DDB1: variants seen among roughly 807,000 people sequenced by gnomAD.
DDB1 encodes DNA damage-binding protein 1.
A neutral mutation model predicts 133.1 loss-of-function variants in DDB1; 18 were observed. The ratio of observed to expected loss-of-function variants is 0.14; its 90% confidence interval spans 0.09 to 0.20. The LOEUF (loss-of-function observed/expected upper bound fraction) is 0.20, where lower values mean the gene tolerates loss of function less well. Ranked by LOEUF, DDB1 falls within the 10% of genes least tolerant of loss-of-function variation. The pLI is 1.00. For synonymous variants in DDB1, 580 were observed against 550.5 expected (o/e 1.05, Z -0.75); for missense variants, 828 against 1,459.2 (o/e 0.57, Z 7.05).
chr11:61,314,624 C>T (rs1254677153), intron 12 of DDB1, 138 bp from the exon 13 acceptor site: 1 of 869,288 alleles, frequency 1.2e-6, no homozygotes, highest in African/African-American at 1.7e-5. Flanking sequence ...CCCCAAAGTC[C>T]TGCTAATGAT....
chr11:61,330,795 A>G (rs1590702183), intron 2 of DDB1, among the ~76,000 whole-genome samples: 1 of 152,128 alleles, frequency 6.6e-6, no homozygotes, highest in South Asian at 2.1e-4. Flanking sequence ...AGCTGGGATT[A>G]CAGGCACGTG....
intron 4 of DDB1, among the ~76,000 whole-genome samples, chr11:61,328,714 T>G (rs1363856182): frequency 2.0e-5 from 3 of 152,014 alleles, no homozygotes; most frequent in Non-Finnish European, 4.4e-5. Flanking sequence ...CTACTAAAAA[T>G]ACAAAAATTA....
At chr11:61,330,128 C>G in intron 2 of DDB1, 54 bp from the exon 3 acceptor site, 1 of 1,444,018 alleles carries the variant, frequency 6.9e-7, no homozygotes, top group South Asian at 1.2e-5. Flanking sequence ...CAGGAACAAC[C>G]TGTCCAGTCT....
intron 10 of DDB1, among the ~76,000 whole-genome samples, chr11:61,319,020 G>A (rs1411274893): frequency 6.6e-6 from 1 of 152,164 alleles, no homozygotes; most frequent in Non-Finnish European, 1.5e-5. Context: ...GCAACATAGG[G>A]AGACCCTGTC....
intron 21 of DDB1, among the ~76,000 whole-genome samples, chr11:61,307,824 T>C (rs906865050): frequency 2.0e-5 from 3 of 152,182 alleles, no homozygotes; most frequent in Admixed American, 1.3e-4. Flanking sequence ...CCCGACCCTT[T>C]ATTCCTCTGC....
At chr11:61,332,345 C>T in intron 1 of DDB1, 1 of 153,004 alleles carries the variant, frequency 6.5e-6, no homozygotes, top group Non-Finnish European at 1.5e-5. Context: ...CTTAACAATC[C>T]AAGCGCATCG....
rs1481633356 is a variant in DDB1 at position 61,320,262 on chromosome 11, G to A, written c.1225+1333C>T. 8.0e-5 allele frequency among the ~76,000 whole-genome samples: 12 copies of A among 150,572 alleles called. 1 individual carries two copies. In the Middle Eastern group the frequency reaches 0.01, roughly 129 times the overall value. On this transcript the variant is annotated intron_variant, in intron 10 of 26. Coordinates refer to ENST00000301764, the MANE Select transcript of DDB1 (RefSeq NM_001923.5). ...GTGGCCCAGGCTGTAGTGCAGTGGC[G>A]CAGTCTCAGCTCACTGCAACCTCCG...
chr11:61,316,300 A>G lies in DDB1; in HGVS notation c.1395T>C (p.His465=). 2 of 1,614,208 alleles carry G rather than the reference A, an allele frequency of 1.2e-6. No individual in the cohort carries two copies. Among genetic ancestry groups the G allele is most frequent in the Non-Finnish European group, 1.7e-6 (2 of 1,180,030 alleles). Reference sequence around the variant, plus strand: ...CAGTTATCACCTGGATAAGCTGCTGATGAGCCACGTTGCCACAGAAGAAAG... The same window carrying G: ...CAGTTATCACCTGGATAAGCTGCTGGTGAGCCACGTTGCCACAGAAGAAAG... ...QQTFFCGNVA[H]QQLIQITSAS... The change falls in exon 12 of 27, where the codon CAT becomes CAC. Residue 465 remains histidine, a synonymous_variant. Coordinates refer to ENST00000301764, the MANE Select transcript of DDB1 (RefSeq NM_001923.5).
rs140231002 is a variant in DDB1 at position 61,318,820 on chromosome 11, C to G, written c.1226-2253G>C. Among the ~76,000 whole-genome samples the G allele has an allele frequency of 6.3e-3, 958 of 152,236 alleles. 9 individuals carry two copies. The highest frequency in any genetic ancestry group is 0.022 in the African/African-American group (924 of 41,512). On this transcript the variant is annotated intron_variant, in intron 10 of 26. Coordinates refer to ENST00000301764, the MANE Select transcript of DDB1 (RefSeq NM_001923.5). ...GTTTTTCAACCATTTAGATTCTAGCCAAGTGTACATTTGGCAGGCAGTATG... is the reference window on the plus strand; with the variant it reads ...GTTTTTCAACCATTTAGATTCTAGCGAAGTGTACATTTGGCAGGCAGTATG...
chr11:61,310,472 G>C (rs927452457), intron 18 of DDB1, 54 bp from the exon 19 acceptor site: 9 of 1,535,416 alleles, frequency 5.9e-6, no homozygotes, highest in Non-Finnish European at 7.9e-6. Flanking sequence ...GAAGTGCTGA[G>C]ACATCATTGT....
At chr11:61,319,253 T>C (rs1244399896) in intron 10 of DDB1, among the ~76,000 whole-genome samples, 1 of 152,146 alleles carries the variant, frequency 6.6e-6, no homozygotes, top group Non-Finnish European at 1.5e-5. Flanking sequence ...CTTTACTCAC[T>C]GAACTGAGAA....
At chr11:61,327,537 A>G (rs2134936155) in intron 4 of DDB1, 1 of 152,958 alleles carries the variant, frequency 6.5e-6, no homozygotes, top group South Asian at 2.1e-4. Flanking sequence ...ACACGCACTG[A>G]TAAGCTACAC....
intron 5 of DDB1, chr11:61,326,037 CTTT>C (rs1856264386): frequency 2.7e-6 from 1 of 367,600 alleles, no homozygotes; most frequent in East Asian, 6.4e-5. Flanking sequence ...AAAGCTTTTA[CTTT>C]TTTTTCCTGG....
chr11:61,309,537 C>G (rs1338795557), intron 20 of DDB1, among the ~76,000 whole-genome samples: 1 of 152,184 alleles, frequency 6.6e-6, no homozygotes, highest in Non-Finnish European at 1.5e-5. Flanking sequence ...ATTCCCTTAC[C>G]CATCGTTCAC....
intron 21 of DDB1, 22 bp downstream of exon 21, chr11:61,308,961 T>TAC (rs748513328): frequency 1.9e-6 from 3 of 1,612,412 alleles, no homozygotes; most frequent in Non-Finnish European, 2.5e-6. Context: ...CTAAAGTAAG[T>TAC]ACCAAGTGGT....
intron 10 of DDB1, among the ~76,000 whole-genome samples, chr11:61,318,218 T>G (rs1417428167): frequency 1.3e-5 from 2 of 152,208 alleles, no homozygotes; most frequent in Non-Finnish European, 2.9e-5. Flanking sequence ...TTATGCAGAT[T>G]AACAAATCCC....
intron 18 of DDB1, among the ~76,000 whole-genome samples, 192 bp downstream of exon 18, chr11:61,311,592 T>C (rs1855972528): frequency 6.6e-6 from 1 of 152,156 alleles, no homozygotes; most frequent in South Asian, 2.1e-4. Context: ...TTTTTAAAAA[T>C]AAACTTTTAT....
intron 25 of DDB1, 93 bp downstream of exon 25, chr11:61,302,164 C>T: frequency 9.0e-7 from 1 of 1,115,086 alleles, no homozygotes; most frequent in Admixed American, 1.8e-5. Context: ...GGAACCTAAT[C>T]AAGACATGTA....
chr11:61,302,418 C>T, intron 24 of DDB1, 59 bp from the exon 25 acceptor site: 2 of 1,594,636 alleles, frequency 1.3e-6, no homozygotes. Flanking sequence ...CATGTATCCT[C>T]TACGTAAAGG....
Sources: allele counts gnomAD v4.1 joint callset (sites outside exome capture counted in the v4.1 genomes callset), GRCh38; gene constraint gnomAD v4.1.1; transcripts MANE v1.5; gene names NCBI Gene and HGNC (gene_info 2026-07-23, HGNC 2026-07-21).